Variants in RGS6 observed in about 807,000 individuals in gnomAD.
The protein encoded by RGS6 is regulator of G protein signaling 6.
In RGS6, 30 loss-of-function variants were observed where a neutral mutation model predicts 78.5. The observed-to-expected ratio is 0.38, with a 90% confidence interval of 0.29 to 0.52. The LOEUF (loss-of-function observed/expected upper bound fraction) is 0.52, where lower values mean the gene tolerates loss of function less well. Among genes scored for constraint, RGS6 ranks in the 20% least tolerant of loss-of-function variants. The pLI is 0.85. For synonymous variants in RGS6, 206 were observed against 206.0 expected, an observed-to-expected ratio of 1.00 and a Z score of 0.00; for missense variants, 495 against 609.7, an observed-to-expected ratio of 0.81 and a Z score of 1.98.
chr14:72,486,973 G>C (rs2096498050), intron 12 of RGS6, among the ~76,000 whole-genome samples: 1 of 152,062 alleles, frequency 6.6e-6, no homozygotes, highest in South Asian at 2.1e-4. Context: ...GGCTACCCCA[G>C]CTGTGAAGTT....
At chr14:72,504,919 T>A (rs2153434023) in intron 13 of RGS6, among the ~76,000 whole-genome samples, 1 of 121,092 alleles carries the variant, frequency 8.3e-6, no homozygotes, top group Admixed American at 8.6e-5. Flanking sequence ...CACGCCCAGC[T>A]AATTTTTTTT....
At chr14:72,131,255 G>A (rs1188302060) in intron 2 of RGS6, among the ~76,000 whole-genome samples, 3 of 152,138 alleles carry the variant, frequency 2.0e-5, no homozygotes, top group South Asian at 2.1e-4. Flanking sequence ...TTTTGGCATC[G>A]TTATCTCAGC....
At chr14:71,949,112 G>C (rs2091980957) in intron 1 of RGS6, among the ~76,000 whole-genome samples, 1 of 151,014 alleles carries the variant, frequency 6.6e-6, no homozygotes, top group African/African-American at 2.4e-5. Flanking sequence ...CATATGAATA[G>C]TGCTGCTATG....
intron 3 of RGS6, among the ~76,000 whole-genome samples, chr14:72,359,970 G>A (rs551700624): frequency 2.0e-5 from 3 of 152,276 alleles, no homozygotes; most frequent in African/African-American, 7.2e-5. Flanking sequence ...AATCTTGGAA[G>A]GAGTTTCCCT....
At chr14:72,557,230 A>AAAG (rs34903529) in intron 17 of RGS6, among the ~76,000 whole-genome samples, 19,643 of 152,220 alleles carry the variant, frequency 0.13, 1,402 homozygotes, top group East Asian at 0.25. Flanking sequence ...GAGAATTTAA[A>AAAG]AAGTGTTTTG....
chr14:72,227,266 T>G (rs1180318968), intron 2 of RGS6, among the ~76,000 whole-genome samples: 1 of 152,212 alleles, frequency 6.6e-6, no homozygotes, highest in Non-Finnish European at 1.5e-5. Context: ...ATTTTAATAT[T>G]GCATACTGTG....
At chr14:72,287,300 T>C (rs1354290062) in intron 2 of RGS6, among the ~76,000 whole-genome samples, 11 of 152,202 alleles carry the variant, frequency 7.2e-5, no homozygotes, top group Admixed American at 6.5e-4. Context: ...TTGGATTTCT[T>C]TTTCTTGCCT....
chr14:72,203,099 T>A (rs1320740646), intron 2 of RGS6, among the ~76,000 whole-genome samples: 3 of 152,036 alleles, frequency 2.0e-5, no homozygotes, highest in African/African-American at 7.2e-5. Context: ...ATGGTCTCGA[T>A]CTCCTGACCT....
chr14:72,110,451 G>A (rs576348255), intron 2 of RGS6, among the ~76,000 whole-genome samples: 51 of 152,268 alleles, frequency 3.3e-4, no homozygotes, highest in South Asian at 1.7e-3. Flanking sequence ...ACAGAAGAGA[G>A]GAGAGGAGAG....
rs1212892798 is a variant in RGS6 at position 71,964,414 on chromosome 14, G to A, written c.-20-358G>A. Among the ~76,000 whole-genome samples the A allele has an allele frequency of 2.6e-5, 4 of 152,150 alleles. No homozygotes were observed. In the East Asian group the frequency reaches 7.7e-4, roughly 29 times the overall value. On this transcript the variant is annotated intron_variant, in intron 1 of 17. Transcript: ENST00000553525. Reference sequence around the variant, plus strand: ...CCAGCTACTCGGGAGGCTGAGGCAGGAGAATCACTTAAACCCGGGAGGCGG... The same window carrying A: ...CCAGCTACTCGGGAGGCTGAGGCAGAAGAATCACTTAAACCCGGGAGGCGG...
At chr14:72,580,488 T>C in the RGS6 span, among the ~76,000 whole-genome samples, 3 of 152,160 alleles carry the variant, frequency 2.0e-5, no homozygotes, top group Non-Finnish European at 2.9e-5. Flanking sequence ...CCATCTGCCT[T>C]TCCTCCAAGT....
intron 2 of RGS6, among the ~76,000 whole-genome samples, chr14:72,140,134 C>A (rs1009931601): frequency 3.9e-5 from 6 of 152,116 alleles, no homozygotes; most frequent in Non-Finnish European, 7.4e-5. Context: ...ATGATGCTCC[C>A]CAGGAAATGT....
rs73300705 is a variant in RGS6, at chr14:72,499,698, G to A, written c.965+4436G>A. ...TGTTGTTTTTTTTTTACTTAACTGAGCTCTGGGCTTTTGCCTGTTCCCTCC... is the reference window on the plus strand; with the variant it reads ...TGTTGTTTTTTTTTTACTTAACTGAACTCTGGGCTTTTGCCTGTTCCCTCC... On this transcript the variant is annotated intron_variant, in intron 13 of 17. Transcript: ENST00000553525. 4.7e-3 allele frequency among the ~76,000 whole-genome samples: 711 copies of A among 151,722 alleles called. 5 individuals carry two copies. The highest frequency in any genetic ancestry group is 0.015 in the African/African-American group (636 of 41,328).
chr14:72,547,406 T>A, intron 17 of RGS6: 2 of 1,198,274 alleles, frequency 1.7e-6, no homozygotes, highest in Non-Finnish European at 2.2e-6. Context: ...CCCCCCAAAA[T>A]GAGCTCCTGG....
At position 72,328,729 on chromosome 14, in the gene RGS6, A is replaced by T. The variant is rs537922474; in HGVS notation, c.85-23366A>T. 4.6e-5 allele frequency among the ~76,000 whole-genome samples: 7 copies of T among 152,224 alleles called. No homozygotes were observed. The South Asian group carries it at 1.5e-3, about 32-fold the overall frequency. On this transcript the variant is annotated intron_variant, in intron 2 of 17. Coordinates refer to ENST00000553525, the MANE Select transcript of RGS6 (RefSeq NM_001204424.2). ...CTGGAAGGCCTGAGAGCTGTTAGGA[A>T]CAAGACGAAATGGGTGTGAGATTGA...
At chr14:72,554,833 C>T (rs140094266) in intron 17 of RGS6, among the ~76,000 whole-genome samples, 78 of 152,352 alleles carry the variant, frequency 5.1e-4, no homozygotes, top group African/African-American at 9.4e-4. Context: ...ACAACTTGGA[C>T]GCGAGACCGG....
At position 72,004,889 on chromosome 14, in the gene RGS6, C is replaced by T. The variant is rs889438791; in HGVS notation, c.84+40014C>T. On this transcript the variant is annotated intron_variant, in intron 2 of 17. Transcript: ENST00000553525. ...AGGCATTCTGATCCTCTTGGTATGT[C>T]CATTGGTGTAACACGAATGGTGGAC... Among the ~76,000 whole-genome samples, 5 of 152,286 alleles carry T rather than the reference C, an allele frequency of 3.3e-5. No individual in the cohort carries two copies. In the South Asian group the frequency reaches 1.0e-3, roughly 32 times the overall value.
chr14:71,969,560 A>T (rs2093692356), intron 2 of RGS6, among the ~76,000 whole-genome samples: 1 of 152,224 alleles, frequency 6.6e-6, no homozygotes, highest in African/African-American at 2.4e-5. Flanking sequence ...GTCTGGTCCC[A>T]GCTTTGTGTG....
At chr14:72,282,027 T>C (rs1338383774) in intron 2 of RGS6, among the ~76,000 whole-genome samples, 1 of 152,236 alleles carries the variant, frequency 6.6e-6, no homozygotes, top group East Asian at 1.9e-4. Context: ...GGAGCAACTG[T>C]AGGCTTTTTG....
Sources: allele counts gnomAD v4.1 joint callset (sites outside exome capture counted in the v4.1 genomes callset), GRCh38; gene constraint gnomAD v4.1.1; transcripts MANE v1.5; gene names NCBI Gene and HGNC (gene_info 2026-07-23, HGNC 2026-07-21).